CDYL: variants seen among roughly 807,000 people sequenced by gnomAD.
CDYL encodes chromodomain Y-like protein.
CDYL carries 8 observed loss-of-function variants against 47.3 expected under a neutral mutation model. That is an observed-to-expected ratio of 0.17 (90% confidence interval 0.10 to 0.31). The LOEUF (loss-of-function observed/expected upper bound fraction) is 0.31. CDYL is among the 10% of genes least tolerant of loss of function. The probability of loss-of-function intolerance (pLI) is 1.00; values close to 1 mark genes in which losing one functional copy is unlikely to be tolerated. For missense variants in CDYL, 471 were observed against 701.4 expected, an observed-to-expected ratio of 0.67 and a Z score of 3.71; for synonymous variants, 266 against 265.0, an observed-to-expected ratio of 1.00 and a Z score of -0.04.
At chr6:4,917,453 T>A (rs990727509) in intron 2 of CDYL, among the ~76,000 whole-genome samples, 1 of 152,172 alleles carries the variant, frequency 6.6e-6, no homozygotes, top group Admixed American at 6.5e-5. Flanking sequence ...CTTTGTAGTT[T>A]TAAGGGAGGT....
chr6:4,844,078 C>G (rs556189430), intron 1 of CDYL, among the ~76,000 whole-genome samples: 1 of 152,028 alleles, frequency 6.6e-6, no homozygotes, highest in Non-Finnish European at 1.5e-5. Context: ...AGAGCCAAAC[C>G]GTGGTGATTG....
At position 4,952,268 on chromosome 6, in the gene CDYL, A is replaced by C; in HGVS notation, c.1335A>C (p.Ala445=). 6.2e-7 allele frequency: 1 copy of C among 1,613,190 alleles called. No homozygotes were observed. Residue 445 remains alanine (A), a splice_region_variant and synonymous_variant, in exon 6 of 7, where the codon GCA becomes GCC. Coordinates refer to ENST00000397588, the MANE Select transcript of CDYL (RefSeq NM_004824.4). ...MFPKIMGGAS[A]NEMLLSGRKL... is the part of the protein sequence containing the mutation. ...ACATCCACTCTTCTTCCTTGCAGGCAAACGAGATGCTGCTCAGTGGACGGA... is the reference window on the plus strand; with the variant it reads ...ACATCCACTCTTCTTCCTTGCAGGCCAACGAGATGCTGCTCAGTGGACGGA...
At chr6:4,919,129 C>T (rs1259491020) in intron 2 of CDYL, among the ~76,000 whole-genome samples, 1 of 152,064 alleles carries the variant, frequency 6.6e-6, no homozygotes, top group Non-Finnish European at 1.5e-5. Context: ...AGTTCAAGTT[C>T]TTTTCGTTAT....
intron 1 of CDYL, among the ~76,000 whole-genome samples, chr6:4,856,173 A>G (rs1034569166): frequency 9.8e-5 from 15 of 152,330 alleles, no homozygotes; most frequent in South Asian, 2.1e-4. Context: ...CCAGCCTTCT[A>G]GTAGAGGAGA....
intron 2 of CDYL, among the ~76,000 whole-genome samples, chr6:4,908,076 C>T (rs1205442903): frequency 6.6e-6 from 1 of 152,190 alleles, no homozygotes; most frequent in Non-Finnish European, 1.5e-5. Context: ...TTGGTGTGGA[C>T]CCCTGAAATG....
At chr6:4,941,786 C>T (rs1420354842) in intron 4 of CDYL, among the ~76,000 whole-genome samples, 1 of 152,090 alleles carries the variant, frequency 6.6e-6, no homozygotes, top group Admixed American at 6.6e-5. Flanking sequence ...CTTTGATCAT[C>T]GCTTTTATGT....
chr6:4,806,662 A>AG (rs57452350), intron 1 of CDYL, among the ~76,000 whole-genome samples: 32,990 of 152,070 alleles, frequency 0.22, 5,163 homozygotes, highest in African/African-American at 0.45. Context: ...TTGCATTCAG[A>AG]TCCTGTCTCT....
chr6:4,724,479 A>G (rs539046434), intron 2 of CDYL: 3 of 152,798 alleles, frequency 2.0e-5, no homozygotes, highest in Admixed American at 6.5e-5. Context: ...CGCGTCCGGA[A>G]TCGGTGGGTT....
chr6:4,850,803 A>G (rs757731474), intron 1 of CDYL, among the ~76,000 whole-genome samples: 20 of 152,226 alleles, frequency 1.3e-4, no homozygotes, highest in Non-Finnish European at 2.9e-4. Flanking sequence ...AGAGATCCAT[A>G]TAATTTGGAT....
chr6:4,892,536 C>G (rs775885142), intron 2 of CDYL, among the ~76,000 whole-genome samples, 157 bp downstream of exon 2: 1 of 150,570 alleles, frequency 6.6e-6, no homozygotes, highest in Non-Finnish European at 1.5e-5. Context: ...TCGCTGGAAG[C>G]CTTTGATATT....
At chr6:4,720,706 T>C (rs1757351749) in intron 2 of CDYL, among the ~76,000 whole-genome samples, 1 of 152,200 alleles carries the variant, frequency 6.6e-6, no homozygotes, top group East Asian at 1.9e-4. Flanking sequence ...AGAAAATTAG[T>C]ATTAAATGGC....
chr6:4,900,600 A>G (rs2127493129), intron 2 of CDYL, among the ~76,000 whole-genome samples: 1 of 151,982 alleles, frequency 6.6e-6, no homozygotes, highest in East Asian at 1.9e-4. Context: ...GCTCTCTAAA[A>G]AAGCTGAAAA....
intron 2 of CDYL, among the ~76,000 whole-genome samples, chr6:4,733,891 A>G (rs907841): frequency 0.86 from 127,589 of 147,796 alleles, 55,308 homozygotes; most frequent in Admixed American, 0.91. Flanking sequence ...TCACTCTGTT[A>G]CCCAGGTTGG....
intron 1 of CDYL, among the ~76,000 whole-genome samples, chr6:4,864,734 A>G (rs1404841047): frequency 2.0e-5 from 3 of 152,184 alleles, no homozygotes; most frequent in Admixed American, 1.3e-4. Context: ...TCACATAAGA[A>G]GTGCCTTTCA....
At chr6:4,880,760 A>G (rs1761742029) in intron 1 of CDYL, among the ~76,000 whole-genome samples, 1 of 152,162 alleles carries the variant, frequency 6.6e-6, no homozygotes, top group East Asian at 1.9e-4. Flanking sequence ...TGTTGTATTA[A>G]TTGCATTTCC....
At chr6:4,835,002 C>G (rs1336948017) in intron 1 of CDYL, among the ~76,000 whole-genome samples, 1 of 152,114 alleles carries the variant, frequency 6.6e-6, no homozygotes, top group Non-Finnish European at 1.5e-5. Context: ...TTTTTAACTT[C>G]TTTGCCTTTG....
At chr6:4,948,973 G>A (rs1314979155) in intron 5 of CDYL, among the ~76,000 whole-genome samples, 1 of 152,250 alleles carries the variant, frequency 6.6e-6, no homozygotes, top group Non-Finnish European at 1.5e-5. Context: ...GACTGGACAA[G>A]TGTGGTTTTC....
chr6:4,901,119 C>A (rs985299399), intron 2 of CDYL, among the ~76,000 whole-genome samples: 4 of 151,612 alleles, frequency 2.6e-5, no homozygotes, highest in Admixed American at 6.6e-5. Context: ...AAGTATATTT[C>A]ATTACTTTGG....
chr6:4,774,950 G>A (rs1372470875), upstream of CDYL, among the ~76,000 whole-genome samples: 2 of 152,204 alleles, frequency 1.3e-5, no homozygotes, highest in Non-Finnish European at 2.9e-5. Context: ...GATTCGACTC[G>A]CAGTGACTTA....
Sources: gnomAD v4.1 joint callset for allele counts (sites outside exome capture counted in the v4.1 genomes callset) on GRCh38, gnomAD v4.1.1 for gene constraint, MANE v1.5 for transcripts, NCBI Gene and HGNC (gene_info 2026-07-23, HGNC 2026-07-21) for gene names.